Variants in BNC2 observed in about 807,000 individuals in gnomAD.
The protein encoded by BNC2 is zinc finger protein basonuclin-2.
BNC2 carries 20 observed loss-of-function variants against 76.3 expected under a neutral mutation model. The ratio of observed to expected loss-of-function variants is 0.26; its 90% CI spans 0.18 to 0.38. The LOEUF is 0.38. BNC2 is among the 10% of genes least tolerant of loss of function. The probability of loss-of-function intolerance (pLI) is 1.00; values close to 1 mark genes in which losing one functional copy is unlikely to be tolerated. For missense variants in BNC2, 1,382 were observed against 1,399.8 expected, an observed-to-expected ratio of 0.99 and a Z score of 0.20; for synonymous variants, 582 against 514.8, an observed-to-expected ratio of 1.13 and a Z score of -1.77.
At chr9:16,692,830 G>T (rs1306880839) in intron 3 of BNC2, among the ~76,000 whole-genome samples, 1 of 151,952 alleles carries the variant, frequency 6.6e-6, no homozygotes, top group East Asian at 1.9e-4. Flanking sequence ...GGGACTTAGT[G>T]TTAAAGACTT....
At chr9:16,722,378 T>C (rs1824183003) in intron 3 of BNC2, among the ~76,000 whole-genome samples, 2 of 152,254 alleles carry the variant, frequency 1.3e-5, no homozygotes, top group East Asian at 3.8e-4. Flanking sequence ...AGCCCAAATC[T>C]GTCCTGTCAC....
chr9:16,592,122 C>T (rs73419488), intron 3 of BNC2, among the ~76,000 whole-genome samples: 3 of 151,710 alleles, frequency 2.0e-5, no homozygotes, highest in East Asian at 1.9e-4. Context: ...TCCCCTCCCC[C>T]CAAAAAAAAC....
intron 5 of BNC2, among the ~76,000 whole-genome samples, chr9:16,529,131 G>C (rs1817901209): frequency 6.6e-6 from 1 of 152,160 alleles, no homozygotes; most frequent in Admixed American, 6.5e-5. Context: ...ATGGTAGTTA[G>C]GGCCTACCCA....
At chr9:16,615,695 C>G (rs1034243083) in intron 3 of BNC2, among the ~76,000 whole-genome samples, 2 of 152,132 alleles carry the variant, frequency 1.3e-5, no homozygotes, top group South Asian at 4.1e-4. Context: ...AAATGTGTCA[C>G]ATAAAATTTA....
intron 3 of BNC2, among the ~76,000 whole-genome samples, chr9:16,651,854 CAT>C (rs966110676): frequency 2.0e-5 from 3 of 152,120 alleles, no homozygotes; most frequent in African/African-American, 7.2e-5. Context: ...GTGACTATAA[CAT>C]ATACGGAGAA....
Position 16,803,502 on chromosome 9 carries a change from C to G in BNC2, c.4-65017G>C, listed in dbSNP as rs182726146. Among the ~76,000 whole-genome samples the G allele has an allele frequency of 2.4e-4, 36 of 152,272 alleles. 1 individual carries two copies. The highest frequency in any genetic ancestry group is 8.7e-4 in the African/African-American group (36 of 41,556). On this transcript the variant is annotated intron_variant, in intron 1 of 6. Coordinates refer to ENST00000380672, the MANE Select transcript of BNC2 (RefSeq NM_017637.6). ...GACATTGTGAATATTTGGAAGACAACCTTCCTTTAAATGAGACACTGCTGG... is the reference window on the plus strand; with the variant it reads ...GACATTGTGAATATTTGGAAGACAAGCTTCCTTTAAATGAGACACTGCTGG...
intron 3 of BNC2, among the ~76,000 whole-genome samples, chr9:16,659,322 CA>C (rs1322602997): frequency 2.0e-5 from 3 of 152,144 alleles, no homozygotes; most frequent in African/African-American, 7.2e-5. Flanking sequence ...CTCAAAATCC[CA>C]AGCTTGCGGC....
chr9:16,604,215 T>C (rs1461017169), intron 3 of BNC2, among the ~76,000 whole-genome samples: 1 of 152,130 alleles, frequency 6.6e-6, no homozygotes, highest in Non-Finnish European at 1.5e-5. Context: ...CCATCTTAAT[T>C]AGAACCTCTT....
chr9:16,652,923 A>G (rs556531453), intron 3 of BNC2, among the ~76,000 whole-genome samples: 1 of 152,278 alleles, frequency 6.6e-6, no homozygotes, highest in East Asian at 1.9e-4. Context: ...CCAACAGGAG[A>G]TAGGGTATAC....
intron 3 of BNC2, among the ~76,000 whole-genome samples, chr9:16,693,959 C>T (rs1023301787): frequency 2.6e-5 from 4 of 152,284 alleles, no homozygotes; most frequent in Middle Eastern, 3.4e-3. Flanking sequence ...CCTATCTTTC[C>T]GCGGCAATCA....
intron 3 of BNC2, among the ~76,000 whole-genome samples, chr9:16,675,955 C>G (rs933494678): frequency 1.3e-5 from 2 of 152,040 alleles, no homozygotes; most frequent in African/African-American, 4.8e-5. Flanking sequence ...ATCCCAGCTA[C>G]TCAGGAGGCT....
intron 1 of BNC2, among the ~76,000 whole-genome samples, chr9:16,789,454 A>G (rs1817440645): frequency 6.6e-6 from 1 of 152,100 alleles, no homozygotes; most frequent in Non-Finnish European, 1.5e-5. Flanking sequence ...GATCTGGCCC[A>G]TATCTTACCC....
intron 4 of BNC2, among the ~76,000 whole-genome samples, chr9:16,555,235 G>C (rs993966031): frequency 2.6e-5 from 4 of 151,902 alleles, no homozygotes; most frequent in Non-Finnish European, 4.4e-5. Flanking sequence ...ATGTTAGCCA[G>C]GATGGTCTCG....
chr9:16,703,461 A>G (rs1823574040), intron 3 of BNC2, among the ~76,000 whole-genome samples: 1 of 151,502 alleles, frequency 6.6e-6, no homozygotes, highest in African/African-American at 2.4e-5. Flanking sequence ...GAACAAAAAG[A>G]AATAATTATT....
rs13289476 is a variant in BNC2, at chr9:16,788,410, G to A, written c.4-49925C>T. Among the ~76,000 whole-genome samples the A allele has an allele frequency of 7.4e-3, 1,120 of 152,004 alleles. 8 individuals carry two copies. Among genetic ancestry groups the A allele is most frequent in the Non-Finnish European group, 0.012 (846 of 67,970 alleles). The stretch of plus-strand genomic sequence containing the variant: ...CTACCAAAAATACAAAAAATTAGCC[G>A]GGCGTGGTGGTAGGCTCCTGTAATT... On this transcript the variant is annotated intron_variant, in intron 1 of 6. Transcript: ENST00000380672.
intron 1 of BNC2, among the ~76,000 whole-genome samples, chr9:16,809,225 A>G (rs1817987229): frequency 1.3e-5 from 2 of 152,286 alleles, no homozygotes; most frequent in Middle Eastern, 6.8e-3. Flanking sequence ...AACTGTTGAC[A>G]ATGAGATAAG....
intron 6 of BNC2, among the ~76,000 whole-genome samples, chr9:16,426,634 G>A (rs185775849): frequency 1.4e-4 from 22 of 152,282 alleles, no homozygotes; most frequent in Non-Finnish European, 2.8e-4. Flanking sequence ...CAAAAAGAGT[G>A]AGCATAATCT....
intron 1 of BNC2, among the ~76,000 whole-genome samples, chr9:16,848,230 AAGG>A (rs1365181405): frequency 6.6e-6 from 1 of 152,200 alleles, no homozygotes; most frequent in Non-Finnish European, 1.5e-5. Context: ...GCACCAAAAA[AAGG>A]AGGCAGACTT....
intron 3 of BNC2, among the ~76,000 whole-genome samples, chr9:16,592,474 T>C (rs953612778): frequency 2.0e-5 from 3 of 152,308 alleles, no homozygotes; most frequent in Admixed American, 2.0e-4. Flanking sequence ...GATGAAATGT[T>C]CAGAAGAGGG....
Sources: allele counts gnomAD v4.1 joint callset (sites outside exome capture counted in the v4.1 genomes callset), GRCh38; gene constraint gnomAD v4.1.1; transcripts MANE v1.5; gene names NCBI Gene and HGNC (gene_info 2026-07-23, HGNC 2026-07-21).